LTBP1: variants seen among roughly 807,000 people sequenced by gnomAD.
The protein encoded by LTBP1 is latent transforming growth factor beta binding protein 1, also known as latent-transforming growth factor beta-binding protein 1.
LTBP1 carries 129 observed loss-of-function variants against 207.6 expected under a neutral mutation model. The observed-to-expected ratio is 0.62, with a 90% CI of 0.54 to 0.72. The LOEUF (loss-of-function observed/expected upper bound fraction) is 0.72, where lower values mean the gene tolerates loss of function less well. Ranked by LOEUF, LTBP1 falls within the 30% of genes least tolerant of loss-of-function variation. The pLI, the probability that LTBP1 is intolerant of heterozygous loss-of-function variation, is 0.00. For synonymous variants in LTBP1, 963 were observed against 833.7 expected (o/e 1.16, Z -2.67); for missense variants, 2,281 against 2,217.2 (o/e 1.03, Z -0.58).
chr2:33,251,090 C>T (rs2092671174), intron 10 of LTBP1, among the ~76,000 whole-genome samples: 1 of 152,172 alleles, frequency 6.6e-6, no homozygotes, highest in East Asian at 1.9e-4. Context: ...GTACGCTGCC[C>T]TCGGGCCCAA....
intron 4 of LTBP1, among the ~76,000 whole-genome samples, chr2:33,130,835 T>A (rs2081748783): frequency 5.3e-5 from 8 of 152,084 alleles, no homozygotes; most frequent in Admixed American, 4.6e-4. Context: ...AAACCCAAAG[T>A]TTTAAAGTGC....
Position 33,291,178 on chromosome 2 carries a change from A to G in LTBP1, c.3113-1982A>G, listed in dbSNP as rs192122827. Among the ~76,000 whole-genome samples the G allele has an allele frequency of 2.6e-5, 4 of 152,354 alleles. No homozygotes were observed. In the East Asian group the frequency reaches 5.8e-4, roughly 22 times the overall value. Reference sequence around the variant, plus strand: ...ACATCAGGCTACCCTAGATATTTCAAGGCATTCTGCTTCATCATTAATCAT... The same window carrying G: ...ACATCAGGCTACCCTAGATATTTCAGGGCATTCTGCTTCATCATTAATCAT... On this transcript the variant is annotated intron_variant, in intron 19 of 33. Coordinates refer to ENST00000404816, the MANE Select transcript of LTBP1 (RefSeq NM_206943.4).
chr2:33,359,648 T>C (rs1016302466), intron 26 of LTBP1, among the ~76,000 whole-genome samples: 6 of 152,222 alleles, frequency 3.9e-5, no homozygotes, highest in Admixed American at 3.9e-4. Flanking sequence ...AGTCAGCTTC[T>C]TATTTGATGT....
intron 3 of LTBP1, among the ~76,000 whole-genome samples, chr2:33,056,850 G>C (rs527471851): frequency 1.3e-5 from 2 of 152,190 alleles, no homozygotes; most frequent in African/African-American, 2.4e-5. Flanking sequence ...GCTGGCTCAG[G>C]CAGCCTCCTT....
At chr2:33,149,414 A>C (rs2083339052) in intron 5 of LTBP1, among the ~76,000 whole-genome samples, 1 of 152,052 alleles carries the variant, frequency 6.6e-6, no homozygotes, top group Non-Finnish European at 1.5e-5. Context: ...AGGTCCTTGG[A>C]AAACCCTCCC....
At chr2:32,983,445 A>G (rs1188430717) in intron 2 of LTBP1, among the ~76,000 whole-genome samples, 1 of 152,034 alleles carries the variant, frequency 6.6e-6, no homozygotes, top group Non-Finnish European at 1.5e-5. Context: ...ATGAGTTAAG[A>G]CTTCGGGGGA....
rs1300814860 is a variant in LTBP1 at position 33,169,150 on chromosome 2, C to A, written c.1202-17706C>A. Among the ~76,000 whole-genome samples, 5 of 152,134 alleles carry A rather than the reference C, an allele frequency of 3.3e-5. 2 individuals are homozygous for A. The highest frequency in any genetic ancestry group is 7.3e-5 in the Non-Finnish European group (5 of 68,046). On this transcript the variant is annotated intron_variant, in intron 5 of 33. Transcript: ENST00000404816. ...TTGGCATTTGCTGGAATTTTATAGA[C>A]CCTATTTCATTTTATTGCCCAGTGT...
intron 2 of LTBP1, among the ~76,000 whole-genome samples, chr2:33,014,665 A>G (rs772184399): frequency 6.6e-6 from 1 of 152,198 alleles, no homozygotes; most frequent in Non-Finnish European, 1.5e-5. Context: ...TTTTAGAATT[A>G]AAAACAGTAG....
intron 2 of LTBP1, among the ~76,000 whole-genome samples, chr2:32,978,167 A>G (rs1302940608): frequency 1.3e-5 from 2 of 152,158 alleles, no homozygotes; most frequent in Admixed American, 6.5e-5. Context: ...GCAAACAAGG[A>G]TAATTTGACT....
intron 32 of LTBP1, among the ~76,000 whole-genome samples, chr2:33,390,049 C>G (rs2095302367): frequency 6.6e-6 from 1 of 152,114 alleles, no homozygotes; most frequent in Admixed American, 6.5e-5. Flanking sequence ...TTTTTTCCTA[C>G]AGGGAAATGC....
At chr2:33,037,228 A>G (rs138484238) in intron 3 of LTBP1, among the ~76,000 whole-genome samples, 4 of 152,332 alleles carry the variant, frequency 2.6e-5, no homozygotes, top group Admixed American at 2.6e-4. Context: ...AAGTTTCTAA[A>G]TATGTAAGTC....
chr2:33,090,116 T>C (rs961151358), intron 3 of LTBP1, among the ~76,000 whole-genome samples: 2 of 152,260 alleles, frequency 1.3e-5, no homozygotes, highest in African/African-American at 4.8e-5. Flanking sequence ...GGAAGAATAT[T>C]ATTAATTTCT....
intron 23 of LTBP1, among the ~76,000 whole-genome samples, chr2:33,312,170 G>A (rs2094197381): frequency 6.6e-6 from 1 of 152,172 alleles, no homozygotes; most frequent in Admixed American, 6.5e-5. Flanking sequence ...CCTTGATCAT[G>A]TCAGCATTCT....
intron 25 of LTBP1, among the ~76,000 whole-genome samples, chr2:33,345,746 C>T (rs533585900): frequency 1.8e-4 from 27 of 151,020 alleles, no homozygotes; most frequent in East Asian, 4.0e-4. Flanking sequence ...GGTGAAAGGA[C>T]GATTTTTTTT....
intron 24 of LTBP1, among the ~76,000 whole-genome samples, chr2:33,316,216 A>G (rs906455978): frequency 4.8e-5 from 3 of 62,178 alleles, no homozygotes; most frequent in African/African-American, 1.2e-4. Flanking sequence ...AAGTAAACTG[A>G]AAAGATTCCC....
At position 33,398,418 on chromosome 2, in the gene LTBP1, A is replaced by T; in HGVS notation, c.5039A>T (p.Lys1680Met). The T allele has an allele frequency of 6.2e-7, 1 of 1,614,142 alleles. No individual in the cohort carries two copies. The highest frequency in any genetic ancestry group is 8.5e-7 in the Non-Finnish European group (1 of 1,180,006). Residue 1680 changes from lysine to methionine, a missense_variant, in exon 34 of 34, where the codon AAG (lysine) becomes ATG (methionine). Physicochemically the swap from Lys to Met is moderately conservative, Grantham distance 95 (BLOSUM62 -1). Transcript: ENST00000404816. ...NNRMSLCKNA[K>M]CINTDGSYKC... ...CGGATGTCTCTCTGCAAGAATGCCA[A>T]GTGCATTAACACCGATGGTTCCTAC...
intron 2 of LTBP1, among the ~76,000 whole-genome samples, chr2:32,995,883 A>G (rs1323110941): frequency 6.6e-6 from 1 of 152,224 alleles, no homozygotes; most frequent in Non-Finnish European, 1.5e-5. Context: ...AGCAGCCTCT[A>G]AAGGAGGTAT....
At chr2:33,058,622 A>T (rs1049722634) in intron 3 of LTBP1, among the ~76,000 whole-genome samples, 6 of 152,242 alleles carry the variant, frequency 3.9e-5, no homozygotes, top group Admixed American at 3.9e-4. Flanking sequence ...GTATTATCTT[A>T]CATTTGTGTT....
intron 3 of LTBP1, among the ~76,000 whole-genome samples, chr2:33,060,952 A>G (rs1484324908): frequency 6.6e-6 from 1 of 152,074 alleles, no homozygotes; most frequent in African/African-American, 2.4e-5. Flanking sequence ...CTGAAAACTA[A>G]TTGTAACCAT....
Sources: allele counts gnomAD v4.1 joint callset (sites outside exome capture counted in the v4.1 genomes callset), GRCh38; gene constraint gnomAD v4.1.1; transcripts MANE v1.5; gene names NCBI Gene and HGNC (gene_info 2026-07-23, HGNC 2026-07-21).